Variants in TBC1D12 observed in about 807,000 individuals in gnomAD.
The protein encoded by TBC1D12 is TBC1 domain family member 12.
In TBC1D12, 56 loss-of-function variants were observed where a neutral mutation model predicts 86.7. That is an observed-to-expected ratio of 0.65 (90% confidence interval 0.52 to 0.81). The LOEUF is 0.81. TBC1D12 is among the 30% of genes least tolerant of loss of function. The pLI, the probability that TBC1D12 is intolerant of heterozygous loss-of-function variation, is 0.00. For missense variants in TBC1D12, 1,023 were observed against 1,038.8 expected (o/e 0.98, Z 0.21); for synonymous variants, 421 against 411.7 (o/e 1.02, Z -0.27).
chr10:94,488,803 C>G (rs1010199111), intron 3 of TBC1D12, among the ~76,000 whole-genome samples: 1 of 152,046 alleles, frequency 6.6e-6, no homozygotes, highest in Admixed American at 6.5e-5. Context: ...CATCCAGGAG[C>G]TAGGACCTGA....
chr10:94,429,139 ATTAT>A (rs1459970350), intron 1 of TBC1D12, among the ~76,000 whole-genome samples: 1 of 151,822 alleles, frequency 6.6e-6, no homozygotes, highest in Non-Finnish European at 1.5e-5. Flanking sequence ...GCTCTAAAAT[ATTAT>A]TTATTACTTG....
In TBC1D12 at chr10:94,522,254, G is replaced by A; in HGVS notation, c.1891-90G>A. 4 of 1,083,076 alleles carry A rather than the reference G, an allele frequency of 3.7e-6. No homozygotes were observed. In the South Asian group the frequency reaches 6.0e-5, roughly 16 times the overall value. 67.1% of individuals were successfully genotyped at this position (1,083,076 alleles called of 1,614,324 possible). ...CTCAGAAAAAGATGAGATTCTTAAT[G>A]AGCACGATTTCCTGTTAGTGTTTAA... On this transcript the variant is annotated intron_variant, in intron 10 of 12. Transcript: ENST00000225235.
intron 1 of TBC1D12, among the ~76,000 whole-genome samples, chr10:94,410,237 G>A (rs1380877026): frequency 6.6e-6 from 1 of 152,096 alleles, no homozygotes; most frequent in Non-Finnish European, 1.5e-5. Flanking sequence ...GTAACTCATT[G>A]TTTAACCTAG....
intron 2 of TBC1D12, among the ~76,000 whole-genome samples, chr10:94,458,773 T>TCCTTCCATCTGGAGTTGTTCGTA (rs1302743645): frequency 1.3e-5 from 2 of 152,042 alleles, no homozygotes; most frequent in African/African-American, 4.8e-5. Flanking sequence ...AGTTGTTCGT[T>TCCTTCCATCTGGAGTTGTTCGTA]CCTTCCATCT....
intron 9 of TBC1D12, among the ~76,000 whole-genome samples, chr10:94,519,047 C>G (rs1222623800): frequency 6.6e-6 from 1 of 152,138 alleles, no homozygotes; most frequent in African/African-American, 2.4e-5. Context: ...TGCACTCCAG[C>G]CTGGACGATA....
At chr10:94,405,526 T>G (rs2054842014) in intron 1 of TBC1D12, among the ~76,000 whole-genome samples, 1 of 152,226 alleles carries the variant, frequency 6.6e-6, no homozygotes, top group African/African-American at 2.4e-5. Flanking sequence ...CTAAAAGATC[T>G]CAAGGTGAGT....
intron 9 of TBC1D12, among the ~76,000 whole-genome samples, chr10:94,519,271 C>T (rs1394657051): frequency 6.6e-6 from 1 of 152,086 alleles, no homozygotes; most frequent in Non-Finnish European, 1.5e-5. Flanking sequence ...ATAATTTGCC[C>T]CTTGTATTCA....
chr10:94,514,499 T>C (rs1316119415), intron 9 of TBC1D12, among the ~76,000 whole-genome samples: 1 of 152,238 alleles, frequency 6.6e-6, no homozygotes, highest in Non-Finnish European at 1.5e-5. Context: ...ATTACACATT[T>C]AAGTGAGAAC....
chr10:94,457,263 C>T (rs1046789596), intron 2 of TBC1D12, among the ~76,000 whole-genome samples: 8 of 152,134 alleles, frequency 5.3e-5, no homozygotes, highest in Admixed American at 5.2e-4. Flanking sequence ...CTTGTCTCCC[C>T]ACCCCCTGAC....
chr10:94,478,003 A>C (rs761802569), intron 3 of TBC1D12, among the ~76,000 whole-genome samples: 5 of 152,220 alleles, frequency 3.3e-5, no homozygotes, highest in Non-Finnish European at 7.3e-5. Context: ...CAGAGGAGCT[A>C]GGCATGGTGG....
chr10:94,426,179 G>T (rs1403438899), intron 1 of TBC1D12, among the ~76,000 whole-genome samples: 1 of 152,056 alleles, frequency 6.6e-6, no homozygotes, highest in Non-Finnish European at 1.5e-5. Context: ...ATTGGCTAGG[G>T]CTTTCAGTAT....
rs558911043 is a variant in TBC1D12, at chr10:94,535,870, A to G, written c.*2774A>G. On this transcript the variant is annotated 3_prime_UTR_variant, in exon 13 of 13. Transcript: ENST00000225235. The stretch of plus-strand genomic sequence containing the variant: ...ATGTGTATATAAAATGTAAATACAA[A>G]GAATTCACTAAAAACCACTCATAAC... The G allele has an allele frequency of 6.6e-6, 1 of 152,302 alleles. No individual in the cohort carries two copies. The highest frequency in any genetic ancestry group is 1.9e-4 in the East Asian group (1 of 5,188). 9.4% of individuals were successfully genotyped at this position (152,302 alleles called of 1,614,324 possible).
At chr10:94,511,716 A>G in intron 9 of TBC1D12, 62 bp downstream of exon 9, 1 of 1,169,340 alleles carries the variant, frequency 8.6e-7, no homozygotes. Context: ...CTTTATCAAA[A>G]TATCCTATGT....
At chr10:94,459,044 G>A (rs552692076) in intron 2 of TBC1D12, among the ~76,000 whole-genome samples, 57 of 151,370 alleles carry the variant, frequency 3.8e-4, no homozygotes, top group African/African-American at 1.3e-3. Flanking sequence ...GGCCCCACCC[G>A]CAGCCTACTG....
chr10:94,402,796 G>A lies in TBC1D12; in HGVS notation c.183G>A (p.Glu61=). 2 of 1,544,214 alleles carry A rather than the reference G, an allele frequency of 1.3e-6. No homozygotes were observed. The highest frequency in any genetic ancestry group is 1.7e-6 in the Non-Finnish European group (2 of 1,144,222). ...EADEEEEADE[E]EETPPRQLLQ... ...ACGAGGAGGAGGAGGCTGACGAGGAGGAGGAGACGCCGCCTCGGCAGCTCC... is the reference window on the plus strand; with the variant it reads ...ACGAGGAGGAGGAGGCTGACGAGGAAGAGGAGACGCCGCCTCGGCAGCTCC... Residue 61 remains glutamate, a synonymous_variant, in exon 1 of 13, where the codon GAG becomes GAA. Transcript: ENST00000225235.
In TBC1D12 at chr10:94,531,393, C is replaced by T; in HGVS notation, c.2192C>T (p.Thr731Ile). ...CTAACTAAATTGCCAGAAGATATCA[C>T]ATCGGAAAAGCTGTTCAGTTGTATT... Reference protein sequence around the residue: ...QFLTKLPEDITSEKLFSCIAA... With the variant: ...QFLTKLPEDIISEKLFSCIAA... Residue 731 changes from threonine to isoleucine, a missense_variant, in exon 12 of 13, where the codon ACA becomes ATA. Physicochemically the swap from Thr to Ile is moderately conservative, Grantham distance 89. This residue lies in a region of TBC1D12 where 395 missense variants were observed against 507.7 expected (regional missense o/e 0.78). Coordinates refer to ENST00000225235, the MANE Select transcript of TBC1D12 (RefSeq NM_015188.2). The T allele has an allele frequency of 6.2e-7, 1 of 1,614,104 alleles. No individual in the cohort carries two copies.
intron 2 of TBC1D12, among the ~76,000 whole-genome samples, chr10:94,456,793 A>G (rs2055633321): frequency 6.6e-6 from 1 of 152,200 alleles, no homozygotes. Context: ...TAGTAGATTC[A>G]TCTATTACTC....
chr10:94,494,193 T>C (rs1209522385), intron 4 of TBC1D12, among the ~76,000 whole-genome samples: 2 of 152,106 alleles, frequency 1.3e-5, no homozygotes, highest in African/African-American at 4.8e-5. Context: ...AAAAATAATA[T>C]CAGGATAATT....
intron 1 of TBC1D12, among the ~76,000 whole-genome samples, chr10:94,417,781 C>T (rs1356807703): frequency 2.0e-5 from 3 of 147,882 alleles, no homozygotes; most frequent in Admixed American, 2.0e-4. Context: ...CGGAGTCTCG[C>T]TCTGTCGCCC....
Sources: allele counts gnomAD v4.1 joint callset (sites outside exome capture counted in the v4.1 genomes callset), GRCh38; gene constraint gnomAD v4.1.1; regional missense constraint gnomAD v4.1.1; transcripts MANE v1.5; gene names NCBI Gene and HGNC (gene_info 2026-07-23, HGNC 2026-07-21).